Variants in RHOT1 observed in about 807,000 individuals in gnomAD.
The protein encoded by RHOT1 is mitochondrial Rho GTPase 1.
In RHOT1, 27 loss-of-function variants were observed where a neutral mutation model predicts 95.3. The ratio of observed to expected loss-of-function variants is 0.28; its 90% CI spans 0.21 to 0.39. The LOEUF is 0.39. RHOT1 is among the 10% of genes least tolerant of loss of function. RHOT1 has a pLI of 1.00. For synonymous variants in RHOT1, 227 were observed against 263.5 expected, an observed-to-expected ratio of 0.86 and a Z score of 1.34; for missense variants, 578 against 786.7, an observed-to-expected ratio of 0.73 and a Z score of 3.17.
At chr17:32,167,210 A>T (rs1346253815) in intron 1 of RHOT1, among the ~76,000 whole-genome samples, 3 of 150,352 alleles carry the variant, frequency 2.0e-5, no homozygotes, top group Non-Finnish European at 4.4e-5. Flanking sequence ...TTTTTTTTTG[A>T]GGAGTAGGTC....
chr17:32,157,046 A>G (rs2033038820), intron 1 of RHOT1, among the ~76,000 whole-genome samples: 1 of 152,264 alleles, frequency 6.6e-6, no homozygotes, highest in Non-Finnish European at 1.5e-5. Flanking sequence ...AATTCTGTGT[A>G]GTTCCAAAGC....
At chr17:32,186,364 ATTT>A (rs141880248) in intron 8 of RHOT1, among the ~76,000 whole-genome samples, 4 of 128,200 alleles carry the variant, frequency 3.1e-5, no homozygotes, top group African/African-American at 5.7e-5. Context: ...GTCCTTTCCC[ATTT>A]TTTTTTTTTT....
chr17:32,152,367 G>A (rs906629742), intron 1 of RHOT1, among the ~76,000 whole-genome samples: 1 of 152,186 alleles, frequency 6.6e-6, no homozygotes, highest in Non-Finnish European at 1.5e-5. Flanking sequence ...TCCTCATAAT[G>A]TTGGTTGTCT....
At chr17:32,221,186 G>A (rs546685435) in intron 19 of RHOT1, 3 of 225,850 alleles carry the variant, frequency 1.3e-5, no homozygotes, top group African/African-American at 2.3e-5. Context: ...TGGCCAACAC[G>A]GTAAAACCCT....
intron 1 of RHOT1, among the ~76,000 whole-genome samples, chr17:32,147,335 A>G (rs758544044): frequency 2.6e-5 from 4 of 152,070 alleles, no homozygotes; most frequent in Non-Finnish European, 4.4e-5. Flanking sequence ...ATGCACCACT[A>G]TGCCTGGCCT....
In RHOT1 at chr17:32,222,401, G is replaced by GT. The variant is rs546149552; in HGVS notation, c.1863-2213dup. Among the ~76,000 whole-genome samples, 135 of 152,198 alleles carry GT rather than the reference G, an allele frequency of 8.9e-4. 1 individual carries two copies. Among genetic ancestry groups the GT allele is most frequent in the Middle Eastern group, 6.8e-3 (2 of 294 alleles). On this transcript the variant is annotated intron_variant, in intron 19 of 19. Coordinates refer to ENST00000545287, the MANE Select transcript of RHOT1 (RefSeq NM_001033566.3). The stretch of plus-strand genomic sequence containing the variant: ...ACCTCATTTCTGTTGAATACTTATG[G>GT]TTACTACGTGTTGTCAGGTACTGCT...
chr17:32,150,884 C>T (rs2032194207), intron 1 of RHOT1: 2 of 1,543,290 alleles, frequency 1.3e-6, no homozygotes, highest in Admixed American at 3.6e-5. Flanking sequence ...AAAGCATAAG[C>T]ACTGGGGGAT....
In RHOT1 at chr17:32,206,994, C is replaced by T. The variant is rs909485967; in HGVS notation, c.1501C>T (p.Pro501Ser). ...ATGCCTGGTATATGATGTCAGCAAT[C>T]CCAAATCCTTTGAATACTGTGCCAG... Reference protein sequence around the residue: ...VVCLVYDVSNPKSFEYCARIF... With the variant: ...VVCLVYDVSNSKSFEYCARIF... The change falls in exon 17 of 20, where the codon CCC (proline) becomes TCC (serine). Residue 501 changes from proline to serine, a missense_variant. This residue lies in a region of RHOT1 where 296 missense variants were observed against 338.5 expected (regional missense o/e 0.87). Transcript: ENST00000545287. The T allele has an allele frequency of 6.2e-7, 1 of 1,612,916 alleles. No homozygotes were observed. Among genetic ancestry groups the T allele is most frequent in the Non-Finnish European group, 8.5e-7 (1 of 1,179,498 alleles).
intron 1 of RHOT1, among the ~76,000 whole-genome samples, chr17:32,164,487 C>T (rs1471293538): frequency 1.3e-5 from 2 of 152,018 alleles, no homozygotes; most frequent in Non-Finnish European, 2.9e-5. Context: ...CCACCTCGGC[C>T]TCCCAAAGTG....
intron 1 of RHOT1, among the ~76,000 whole-genome samples, chr17:32,156,212 G>A (rs1223141383): frequency 6.6e-6 from 1 of 152,198 alleles, no homozygotes; most frequent in African/African-American, 2.4e-5. Context: ...CATACAGTTT[G>A]CAGATCTCTC....
intron 8 of RHOT1, among the ~76,000 whole-genome samples, chr17:32,191,830 A>G (rs1245658168): frequency 6.6e-6 from 1 of 150,892 alleles, no homozygotes; most frequent in Non-Finnish European, 1.5e-5. Flanking sequence ...TCAGAAGTTG[A>G]GGGGAAAGTC....
At chr17:32,217,627 C>T (rs1185521712) in intron 19 of RHOT1, among the ~76,000 whole-genome samples, 6 of 151,240 alleles carry the variant, frequency 4.0e-5, no homozygotes, top group African/African-American at 1.5e-4. Context: ...TGGTGGTGCG[C>T]ACCTGTAGTC....
chr17:32,188,046 A>G (rs529218393), intron 8 of RHOT1, among the ~76,000 whole-genome samples: 16 of 152,344 alleles, frequency 1.1e-4, no homozygotes, highest in African/African-American at 2.9e-4. Context: ...AATAGTTTCA[A>G]TAGAGCTTAT....
rs1429200560 is a variant in RHOT1 at position 32,201,055 on chromosome 17, A to G, written c.1200A>G (p.Thr400=). 6 of 1,574,654 alleles carry G rather than the reference A, an allele frequency of 3.8e-6. No homozygotes were observed. Among genetic ancestry groups the G allele is most frequent in the Non-Finnish European group, 4.3e-6 (5 of 1,152,432 alleles). The part of the protein sequence containing the change: ...TEQESQASAV[T]VTRDKKIDLQ... ...AAGAGTCTCAAGCTTCAGCTGTTAC[A>G]GGTAAGTATCTAGATACTGTTCAGC... Residue 400 remains threonine (T), a splice_region_variant and synonymous_variant, in exon 14 of 20, where the codon ACA becomes ACG. Coordinates refer to ENST00000545287, the MANE Select transcript of RHOT1 (RefSeq NM_001033566.3).
At chr17:32,189,973 C>T (rs575179114) in intron 8 of RHOT1, among the ~76,000 whole-genome samples, 1 of 152,148 alleles carries the variant, frequency 6.6e-6, no homozygotes, top group Admixed American at 6.6e-5. Flanking sequence ...CTCGCCTTGG[C>T]TTCCCGAAAG....
At chr17:32,165,079 G>C (rs1346935931) in intron 1 of RHOT1, among the ~76,000 whole-genome samples, 1 of 151,402 alleles carries the variant, frequency 6.6e-6, no homozygotes, top group Non-Finnish European at 1.5e-5. Flanking sequence ...GGTGGCTTAC[G>C]CCTGTAATCC....
At chr17:32,219,535 C>G (rs911403411) in intron 19 of RHOT1, among the ~76,000 whole-genome samples, 2 of 152,198 alleles carry the variant, frequency 1.3e-5, no homozygotes, top group African/African-American at 4.8e-5. Flanking sequence ...TTTGGCCAGT[C>G]TGCATATGCC....
chr17:32,198,378 A>G (rs913436545), intron 11 of RHOT1, among the ~76,000 whole-genome samples: 1 of 152,198 alleles, frequency 6.6e-6, no homozygotes, highest in Non-Finnish European at 1.5e-5. Context: ...AATCAGTATT[A>G]TTTGTAAATT....
chr17:32,185,695 G>A (rs940193418), intron 8 of RHOT1, among the ~76,000 whole-genome samples: 56 of 148,480 alleles, frequency 3.8e-4, no homozygotes, highest in African/African-American at 1.3e-3. Flanking sequence ...GGTGTGAACC[G>A]CCATGCCCGG....
Sources: allele counts gnomAD v4.1 joint callset (sites outside exome capture counted in the v4.1 genomes callset), GRCh38; gene constraint gnomAD v4.1.1; regional missense constraint gnomAD v4.1.1; transcripts MANE v1.5; gene names NCBI Gene and HGNC (gene_info 2026-07-23, HGNC 2026-07-21).